The following AKAP19 variants were observed in gnomAD, a reference collection of about 807,000 sequenced individuals.
AKAP19 encodes small A-kinase anchoring protein.
the AKAP19 span, among the ~76,000 whole-genome samples, chr2:190,034,374 T>C: frequency 6.6e-6 from 1 of 151,348 alleles, no homozygotes; most frequent in Admixed American, 6.6e-5. Context: ...TTAAGATAGT[T>C]TTAATGATTG....
chr2:190,150,596 C>T, the AKAP19 span: 56,164 of 153,852 alleles, frequency 0.37, 12,353 homozygotes, highest in East Asian at 0.76. Context: ...CCACTTCCTT[C>T]AGAGGGTGTG....
chr2:190,103,615 G>A, the AKAP19 span, among the ~76,000 whole-genome samples: 29 of 152,190 alleles, frequency 1.9e-4, no homozygotes, highest in Non-Finnish European at 3.7e-4. Flanking sequence ...AAATACCTAC[G>A]AATACATCTA....
At chr2:190,127,659 T>C in the AKAP19 span, among the ~76,000 whole-genome samples, 4 of 152,200 alleles carry the variant, frequency 2.6e-5, no homozygotes, top group Non-Finnish European at 5.9e-5. Context: ...AGTCAAACCA[T>C]ACCAAGAAGG....
At chr2:190,172,928 A>G in the AKAP19 span, among the ~76,000 whole-genome samples, 2 of 152,032 alleles carry the variant, frequency 1.3e-5, no homozygotes, top group Admixed American at 1.3e-4. Context: ...GCCTGCCCAA[A>G]ATGGCGAAAC....
chr2:190,066,685 A>C, the AKAP19 span, among the ~76,000 whole-genome samples: 49 of 152,312 alleles, frequency 3.2e-4, no homozygotes, highest in African/African-American at 1.1e-3. Context: ...AACAAAAAAT[A>C]TTCTTAAGCT....
the AKAP19 span, among the ~76,000 whole-genome samples, chr2:189,953,634 C>CA: frequency 3.6e-3 from 265 of 72,732 alleles, 4 homozygotes; most frequent in African/African-American, 0.011. Flanking sequence ...AACTCCATCT[C>CA]AAAAAAAAAA....
At chr2:190,080,613 A>G in the AKAP19 span, among the ~76,000 whole-genome samples, 1 of 152,262 alleles carries the variant, frequency 6.6e-6, no homozygotes, top group African/African-American at 2.4e-5. Context: ...GTTCCAGGCA[A>G]AGGACATAGG....
At chr2:189,880,007 A>G in the AKAP19 span, among the ~76,000 whole-genome samples, 1 of 152,076 alleles carries the variant, frequency 6.6e-6, no homozygotes. Flanking sequence ...TAGATATTTA[A>G]CTTATCGAAA....
At chr2:190,059,104 A>G in the AKAP19 span, among the ~76,000 whole-genome samples, 1 of 151,826 alleles carries the variant, frequency 6.6e-6, no homozygotes, top group African/African-American at 2.4e-5. Flanking sequence ...TGATCTGCTA[A>G]TTATATCATC....
the AKAP19 span, among the ~76,000 whole-genome samples, chr2:189,940,846 G>A: frequency 1.3e-5 from 2 of 152,004 alleles, no homozygotes; most frequent in Admixed American, 6.5e-5. Flanking sequence ...AGCCGAGATC[G>A]TGCCACTGCA....
the AKAP19 span, among the ~76,000 whole-genome samples, chr2:189,944,223 C>T: frequency 2.0e-5 from 3 of 152,194 alleles, no homozygotes; most frequent in Middle Eastern, 3.4e-3. Context: ...AGGTGTTTGG[C>T]TCATAGGGGT....
chr2:190,159,353 G>A, the AKAP19 span, among the ~76,000 whole-genome samples: 1 of 152,148 alleles, frequency 6.6e-6, no homozygotes, highest in Non-Finnish European at 1.5e-5. Flanking sequence ...CTGAGCCTTT[G>A]TATTCTCACC....
the AKAP19 span, among the ~76,000 whole-genome samples, chr2:189,981,567 G>A: frequency 6.6e-6 from 1 of 152,136 alleles, no homozygotes; most frequent in Non-Finnish European, 1.5e-5. Context: ...GTTGCTTTGT[G>A]GTCACAATTG....
At chr2:190,013,540 G>A in the AKAP19 span, among the ~76,000 whole-genome samples, 8 of 151,458 alleles carry the variant, frequency 5.3e-5, no homozygotes, top group Non-Finnish European at 1.0e-4. Flanking sequence ...TTTTGAGATG[G>A]AGTCTCGCTC....
the AKAP19 span, among the ~76,000 whole-genome samples, chr2:189,905,111 C>T: frequency 1.4e-4 from 21 of 151,930 alleles, no homozygotes; most frequent in African/African-American, 4.8e-4. Context: ...TAAAAGAAAA[C>T]TTGTTAAAGT....
the AKAP19 span, among the ~76,000 whole-genome samples, chr2:189,971,907 A>G: frequency 6.6e-6 from 1 of 151,200 alleles, no homozygotes; most frequent in Admixed American, 6.6e-5. Context: ...AGTAGATTGC[A>G]AAAATTTTCT....
the AKAP19 span, among the ~76,000 whole-genome samples, chr2:190,046,901 A>G: frequency 2.0e-5 from 3 of 152,368 alleles, no homozygotes; most frequent in African/African-American, 7.2e-5. Context: ...TTTCTAAAAC[A>G]ATGAATTTAA....
At chr2:190,049,338 A>C in the AKAP19 span, among the ~76,000 whole-genome samples, 3 of 152,204 alleles carry the variant, frequency 2.0e-5, no homozygotes, top group Admixed American at 1.3e-4. Flanking sequence ...AATGAAACTC[A>C]TGATCTGATG....
the AKAP19 span, among the ~76,000 whole-genome samples, chr2:189,993,972 C>A: frequency 1.3e-5 from 2 of 149,354 alleles, no homozygotes; most frequent in South Asian, 4.2e-4. Context: ...TTTCATTTAT[C>A]TTTTGTATTT....
Sources: allele counts gnomAD v4.1 joint callset (sites outside exome capture counted in the v4.1 genomes callset), GRCh38; gene constraint gnomAD v4.1.1; transcripts MANE v1.5; gene names NCBI Gene and HGNC (gene_info 2026-07-23, HGNC 2026-07-21).